Variants in NEGR1 observed in about 807,000 individuals in gnomAD.
The protein encoded by NEGR1 is neuronal growth regulator 1.
Under a neutral mutation model 40.9 loss-of-function variants are expected in NEGR1, and 10 were observed. That is an observed-to-expected ratio of 0.24 (90% CI 0.15 to 0.42). The LOEUF is 0.42. Among genes scored for constraint, NEGR1 ranks in the 10% least tolerant of loss-of-function variants. NEGR1 has a pLI of 1.00. For missense variants in NEGR1, 352 were observed against 438.9 expected (o/e 0.80, Z 1.77); for synonymous variants, 185 against 166.8 (o/e 1.11, Z -0.84).
chr1:71,911,312 G>C (rs1168483641), intron 2 of NEGR1, among the ~76,000 whole-genome samples: 2 of 152,158 alleles, frequency 1.3e-5, no homozygotes, highest in Non-Finnish European at 2.9e-5. Context: ...ATATGATTAA[G>C]TGTAGTACTG....
At chr1:71,683,124 C>A (rs188332394) in intron 4 of NEGR1, among the ~76,000 whole-genome samples, 2 of 152,104 alleles carry the variant, frequency 1.3e-5, no homozygotes, top group Non-Finnish European at 2.9e-5. Flanking sequence ...ATAGGTTTTC[C>A]GAGGAGAATT....
At chr1:71,783,105 C>T (rs1486726666) in intron 2 of NEGR1, among the ~76,000 whole-genome samples, 1 of 151,788 alleles carries the variant, frequency 6.6e-6, no homozygotes, top group Non-Finnish European at 1.5e-5. Context: ...GACTTGGAGT[C>T]TGGGTTAGTT....
chr1:71,512,099 T>C (rs1647077302), intron 6 of NEGR1, among the ~76,000 whole-genome samples: 1 of 152,210 alleles, frequency 6.6e-6, no homozygotes. Flanking sequence ...GAATAGTCTT[T>C]ATTCTCAAAT....
intron 1 of NEGR1, among the ~76,000 whole-genome samples, chr1:72,212,074 T>A (rs1570127382): frequency 6.6e-6 from 1 of 152,006 alleles, no homozygotes; most frequent in East Asian, 1.9e-4. Context: ...AGATGTGTTC[T>A]GATTCCTGCC....
At chr1:71,875,329 A>T (rs142994214) in intron 2 of NEGR1, among the ~76,000 whole-genome samples, 1 of 152,116 alleles carries the variant, frequency 6.6e-6, no homozygotes, top group Admixed American at 6.6e-5. Context: ...ATTGTGCTGG[A>T]AAGTAGGTCT....
chr1:71,962,958 TA>T (rs543389818), intron 1 of NEGR1, among the ~76,000 whole-genome samples: 30 of 151,716 alleles, frequency 2.0e-4, no homozygotes, highest in Non-Finnish European at 3.5e-4. Context: ...ATGCTTATGA[TA>T]AAAAAAATAC....
At chr1:72,126,256 C>T (rs956450264) in intron 1 of NEGR1, among the ~76,000 whole-genome samples, 2 of 151,956 alleles carry the variant, frequency 1.3e-5, no homozygotes, top group Non-Finnish European at 2.9e-5. Context: ...CCTTTGCAAA[C>T]TCCAAGAACA....
intron 4 of NEGR1, among the ~76,000 whole-genome samples, chr1:71,625,313 C>T (rs1286879818): frequency 1.3e-5 from 2 of 151,754 alleles, no homozygotes; most frequent in African/African-American, 2.4e-5. Context: ...CACACACACA[C>T]AATTGACCTT....
intron 1 of NEGR1, among the ~76,000 whole-genome samples, chr1:72,209,977 A>AT (rs1190299464): frequency 2.0e-5 from 3 of 151,866 alleles, no homozygotes; most frequent in Admixed American, 6.6e-5. Context: ...ATTGCATTTG[A>AT]TTTTTTAGAC....
chr1:71,741,971 C>T (rs1445277644), intron 3 of NEGR1, among the ~76,000 whole-genome samples: 1 of 152,164 alleles, frequency 6.6e-6, no homozygotes, highest in South Asian at 2.1e-4. Flanking sequence ...CTCCCATATT[C>T]CAATCACCTC....
At chr1:71,488,039 T>C (rs142578270) in intron 6 of NEGR1, 1 of 151,824 alleles carries the variant, frequency 6.6e-6, no homozygotes, top group East Asian at 1.9e-4. Context: ...TGAAATTAGA[T>C]TTCCAGAGGT....
intron 2 of NEGR1, among the ~76,000 whole-genome samples, chr1:71,801,800 T>G (rs1318533647): frequency 6.6e-6 from 1 of 152,234 alleles, no homozygotes; most frequent in Non-Finnish European, 1.5e-5. Context: ...TTATCTGTTA[T>G]GTACTGCATT....
intron 2 of NEGR1, among the ~76,000 whole-genome samples, chr1:71,924,829 A>T (rs1570508971): frequency 6.6e-6 from 1 of 152,160 alleles, no homozygotes; most frequent in East Asian, 1.9e-4. Flanking sequence ...TATAGAGAAT[A>T]AGAAGGTTTT....
At chr1:72,228,105 G>C (rs1248764603) in intron 1 of NEGR1, among the ~76,000 whole-genome samples, 2 of 152,104 alleles carry the variant, frequency 1.3e-5, no homozygotes, top group Non-Finnish European at 2.9e-5. Flanking sequence ...CTCCCGCTGA[G>C]CCTCCATGTA....
rs75716850 is a variant in NEGR1, at chr1:71,899,914, T to G, written c.409+35165A>C. On this transcript the variant is annotated intron_variant, in intron 2 of 6. Transcript: ENST00000357731. ...AAATGCCCTGGCCCTGCAGCCACCC[T>G]TAAGAACTTTTGTTAACATTTCCAC... 4.5e-3 allele frequency among the ~76,000 whole-genome samples: 692 copies of G among 152,326 alleles called. 5 individuals are homozygous for G. Among genetic ancestry groups the G allele is most frequent in the African/African-American group, 0.016 (670 of 41,572 alleles).
intron 1 of NEGR1, among the ~76,000 whole-genome samples, chr1:72,177,087 T>C (rs959989058): frequency 6.6e-6 from 1 of 152,112 alleles, no homozygotes; most frequent in Non-Finnish European, 1.5e-5. Context: ...CTAATATTCA[T>C]TGTGGACCTA....
At chr1:71,440,107 C>A (rs777209044) in intron 6 of NEGR1, among the ~76,000 whole-genome samples, 2 of 152,136 alleles carry the variant, frequency 1.3e-5, no homozygotes, top group African/African-American at 4.8e-5. Context: ...TTGACTACCA[C>A]AATTTGATGT....
chr1:71,510,199 G>A (rs1184433784), intron 6 of NEGR1, among the ~76,000 whole-genome samples: 2 of 152,186 alleles, frequency 1.3e-5, no homozygotes, highest in African/African-American at 2.4e-5. Flanking sequence ...ATTATCCCTT[G>A]TGTAAGGGGA....
intron 3 of NEGR1, among the ~76,000 whole-genome samples, chr1:71,757,065 A>T (rs188603747): frequency 1.5e-3 from 233 of 152,260 alleles, no homozygotes; most frequent in African/African-American, 5.4e-3. Flanking sequence ...TAGTTTTTTA[A>T]GTCATGATCT....
Sources: allele counts gnomAD v4.1 joint callset (sites outside exome capture counted in the v4.1 genomes callset), GRCh38; gene constraint gnomAD v4.1.1; transcripts MANE v1.5; gene names NCBI Gene and HGNC (gene_info 2026-07-23, HGNC 2026-07-21).